Variants in MSH3 observed in about 807,000 individuals in gnomAD.
The protein encoded by MSH3 is mutS homolog 3, also known as DNA mismatch repair protein Msh3.
A neutral mutation model predicts 123.3 loss-of-function variants in MSH3; 106 were observed. The observed-to-expected ratio is 0.86, with a 90% CI of 0.73 to 1.01. The LOEUF (loss-of-function observed/expected upper bound fraction) is 1.01, where lower values mean the gene tolerates loss of function less well. Ranked by LOEUF, MSH3 falls within the 50% of genes least tolerant of loss-of-function variation. MSH3 has a pLI of 0.00. For missense variants in MSH3, 1,459 were observed against 1,347.6 expected (o/e 1.08, Z -1.29); for synonymous variants, 515 against 481.4 (o/e 1.07, Z -0.91).
intron 15 of MSH3, among the ~76,000 whole-genome samples, 154 bp downstream of exon 15, chr5:80,769,157 AAG>A (rs1435506092): frequency 2.0e-5 from 3 of 152,104 alleles, no homozygotes; most frequent in Non-Finnish European, 4.4e-5. Context: ...TTGTTTTGAT[AAG>A]AGTTATTTTA....
chr5:80,784,348 G>C (rs141248961), intron 17 of MSH3, among the ~76,000 whole-genome samples: 2 of 151,870 alleles, frequency 1.3e-5, no homozygotes, highest in African/African-American at 4.8e-5. Context: ...TAAACACCCA[G>C]GGCAGTTAGG....
At chr5:80,671,341 C>G (rs1749720022) in intron 4 of MSH3, among the ~76,000 whole-genome samples, 1 of 152,122 alleles carries the variant, frequency 6.6e-6, no homozygotes, top group African/African-American at 2.4e-5. Flanking sequence ...CATGTCTGTG[C>G]TTCTTGGATG....
intron 12 of MSH3, among the ~76,000 whole-genome samples, chr5:80,751,346 G>C (rs915704253): frequency 6.6e-6 from 1 of 152,166 alleles, no homozygotes; most frequent in African/African-American, 2.4e-5. Context: ...AGTTTCATGA[G>C]ACCTCGGAAT....
chr5:80,776,308 T>G (rs942766127), intron 16 of MSH3, among the ~76,000 whole-genome samples: 1 of 152,236 alleles, frequency 6.6e-6, no homozygotes, highest in Non-Finnish European at 1.5e-5. Flanking sequence ...TTTTGTAAAT[T>G]ATTGCTTTAT....
chr5:80,853,484 A>AG (rs1435505614), intron 20 of MSH3, among the ~76,000 whole-genome samples: 1 of 152,162 alleles, frequency 6.6e-6, no homozygotes, highest in Non-Finnish European at 1.5e-5. Context: ...CAAAAAAAAA[A>AG]AAGCACAATA....
At chr5:80,872,454 G>T (rs1462971696) in intron 22 of MSH3, among the ~76,000 whole-genome samples, 1 of 151,284 alleles carries the variant, frequency 6.6e-6, no homozygotes, top group Non-Finnish European at 1.5e-5. Flanking sequence ...GGATGACAGA[G>T]TCAGACCCTG....
intron 8 of MSH3, among the ~76,000 whole-genome samples, chr5:80,680,596 A>C (rs1749953080): frequency 6.6e-6 from 1 of 150,870 alleles, no homozygotes; most frequent in East Asian, 1.9e-4. Context: ...TAACTTTACA[A>C]TTCCCCATTT....
chr5:80,684,487 C>T (rs1021081290), intron 8 of MSH3, among the ~76,000 whole-genome samples: 23 of 152,092 alleles, frequency 1.5e-4, no homozygotes, highest in Non-Finnish European at 4.4e-5. Context: ...TCACTGTTAG[C>T]ATATAGAAAT....
chr5:80,791,747 TA>T (rs1324950917), intron 18 of MSH3, among the ~76,000 whole-genome samples: 1 of 152,212 alleles, frequency 6.6e-6, no homozygotes, highest in Admixed American at 6.5e-5. Flanking sequence ...TTGAATTTTT[TA>T]AGTTACAGAA....
In MSH3 at chr5:80,739,854, T is replaced by C. The variant is rs1324679273; in HGVS notation, c.1569-1610T>C. 2.6e-5 allele frequency among the ~76,000 whole-genome samples: 4 copies of C among 152,150 alleles called. No individual in the cohort carries two copies. In the East Asian group the frequency reaches 7.7e-4, roughly 29 times the overall value. On this transcript the variant is annotated intron_variant, in intron 10 of 23. Coordinates refer to ENST00000265081, the MANE Select transcript of MSH3 (RefSeq NM_002439.5). ...AGAAGTGAAGGAATCTCTTTTTGGG[T>C]ACTGGTTTTTCGGGCTCTGATATTA...
At chr5:80,794,524 G>T (rs1744665261) in intron 19 of MSH3, among the ~76,000 whole-genome samples, 3 of 152,300 alleles carry the variant, frequency 2.0e-5, no homozygotes, top group African/African-American at 7.2e-5. Flanking sequence ...GTCAAAAAAT[G>T]AATATGTAGG....
chr5:80,678,194 T>C (rs1194039126), intron 7 of MSH3, among the ~76,000 whole-genome samples: 2 of 152,170 alleles, frequency 1.3e-5, no homozygotes, highest in East Asian at 3.9e-4. Flanking sequence ...CAGTGTGGAT[T>C]GGGGAGTAGT....
chr5:80,712,229 T>C (rs1750874088), intron 8 of MSH3, among the ~76,000 whole-genome samples: 1 of 152,220 alleles, frequency 6.6e-6, no homozygotes, highest in East Asian at 1.9e-4. Context: ...TGGGAGCTCC[T>C]GTATAAATCC....
chr5:80,714,483 C>T (rs771176246), intron 8 of MSH3, among the ~76,000 whole-genome samples: 6 of 151,970 alleles, frequency 3.9e-5, no homozygotes, highest in Non-Finnish European at 8.8e-5. Flanking sequence ...TTTATCATAA[C>T]GTTCTTTAAT....
At chr5:80,817,790 G>A (rs1366973122) in intron 20 of MSH3, among the ~76,000 whole-genome samples, 2 of 151,794 alleles carry the variant, frequency 1.3e-5, no homozygotes, top group Admixed American at 1.3e-4. Flanking sequence ...CACCCTTTTT[G>A]CAACCCCTGA....
chr5:80,788,630 T>C (rs986008471), intron 18 of MSH3, among the ~76,000 whole-genome samples: 2 of 151,934 alleles, frequency 1.3e-5, no homozygotes, highest in South Asian at 4.2e-4. Flanking sequence ...GGGCAACATA[T>C]TGAGACCCTA....
chr5:80,771,624 T>C (rs1430510187), intron 15 of MSH3, among the ~76,000 whole-genome samples: 2 of 152,208 alleles, frequency 1.3e-5, no homozygotes, highest in Non-Finnish European at 2.9e-5. Flanking sequence ...TGGTGCTTTT[T>C]TATGCCTTTC....
Position 80,691,830 on chromosome 5 carries a change from GATAA to G in MSH3, c.1340+12743_1340+12746del, listed in dbSNP as rs903575310. ...CTAAATATATATGTATGTTTATATA[GATAA>G]ATAAACATGTATATATTTATATAGC... On this transcript the variant is annotated intron_variant, in intron 8 of 23. Coordinates refer to ENST00000265081, the MANE Select transcript of MSH3 (RefSeq NM_002439.5). Among the ~76,000 whole-genome samples the G allele has an allele frequency of 9.6e-4, 139 of 145,386 alleles. 17 individuals are homozygous for G. The highest frequency in any genetic ancestry group is 2.8e-3 in the African/African-American group (113 of 39,942).
chr5:80,791,867 A>T (rs918221364), intron 18 of MSH3, among the ~76,000 whole-genome samples: 3 of 152,236 alleles, frequency 2.0e-5, no homozygotes, highest in Non-Finnish European at 4.4e-5. Flanking sequence ...AGCTGGTCTC[A>T]GTAGTAACAT....
Sources: allele counts gnomAD v4.1 joint callset (sites outside exome capture counted in the v4.1 genomes callset), GRCh38; gene constraint gnomAD v4.1.1; transcripts MANE v1.5; gene names NCBI Gene and HGNC (gene_info 2026-07-23, HGNC 2026-07-21).